HENMT1: variants seen among roughly 807,000 people sequenced by gnomAD.
The protein encoded by HENMT1 is HEN methyltransferase 1.
Under a neutral mutation model 31.1 loss-of-function variants are expected in HENMT1, and 27 were observed. The ratio of observed to expected loss-of-function variants is 0.87; its 90% CI spans 0.64 to 1.20. The LOEUF (loss-of-function observed/expected upper bound fraction) is 1.20. Among genes scored for constraint, HENMT1 ranks in the 50% most tolerant of loss-of-function variants. The pLI is 0.00. For synonymous variants in HENMT1, 167 were observed against 172.2 expected (o/e 0.97, Z 0.24); for missense variants, 438 against 469.6 (o/e 0.93, Z 0.62).
At chr1:108,653,766 G>C (rs75923873) in intron 5 of HENMT1, among the ~76,000 whole-genome samples, 1,794 of 152,092 alleles carry the variant, frequency 0.012, 17 homozygotes, top group Non-Finnish European at 0.018. Flanking sequence ...CTTTTTATTT[G>C]GGGTTTTTTT....
intron 1 of HENMT1, 87 bp from the exon 2 acceptor site, chr1:108,660,049 C>A: frequency 1.4e-5 from 7 of 503,142 alleles, no homozygotes; most frequent in South Asian, 2.3e-5. Flanking sequence ...AAGCCTCTTT[C>A]TTACTCCTTA....
chr1:108,660,866 G>A (rs1356507234), intron 1 of HENMT1, 97 bp downstream of exon 1: 1 of 488,262 alleles, frequency 2.0e-6, no homozygotes, highest in Non-Finnish European at 2.7e-6. Flanking sequence ...GGAGCTTGCA[G>A]TGAGCCGAGA....
At chr1:108,654,694 A>T in intron 5 of HENMT1, 22 bp downstream of exon 5, 1 of 1,611,978 alleles carries the variant, frequency 6.2e-7, no homozygotes, top group Non-Finnish European at 8.5e-7. Flanking sequence ...ACAGTTATAC[A>T]GTGTATCAGT....
intron 5 of HENMT1, 120 bp from the exon 6 acceptor site, chr1:108,651,329 A>G: frequency 1.3e-6 from 1 of 792,436 alleles, no homozygotes; most frequent in Non-Finnish European, 2.0e-6. Context: ...TTGAATATGT[A>G]ATAATGCTTA....
chr1:108,655,462 G>A, intron 4 of HENMT1, 124 bp downstream of exon 4: 1 of 524,548 alleles, frequency 1.9e-6, no homozygotes, highest in Non-Finnish European at 3.3e-6. Flanking sequence ...TGATTATTCA[G>A]TGAGTTGAAG....
Position 108,657,454 on chromosome 1 carries a change from C to CTTA in HENMT1, c.144_146dup (p.Pro48_Lys49insAsn). On this transcript the variant is annotated inframe_insertion, in exon 3 of 8. Coordinates refer to ENST00000651461, the MANE Select transcript of HENMT1 (RefSeq NM_001102592.2). The stretch of plus-strand genomic sequence containing the variant: ...GTTTGGAAAGAGAAATACCTACCTT[C>CTTA]TTAGGCTCATGTTGATCCACTAAAT... The CTTA allele has an allele frequency of 1.2e-6, 2 of 1,602,746 alleles. No individual in the cohort carries two copies. Among genetic ancestry groups the CTTA allele is most frequent in the Non-Finnish European group, 1.7e-6 (2 of 1,170,950 alleles).
At position 108,657,408 on chromosome 1, in the gene HENMT1, TA is replaced by T. The variant is rs778580727; in HGVS notation, c.150+42del. 2.9e-6 allele frequency: 4 copies of T among 1,397,746 alleles called. No individual in the cohort carries two copies. In the African/African-American group the frequency reaches 5.7e-5, roughly 20 times the overall value. 86.6% of individuals were successfully genotyped at this position (1,397,746 alleles called of 1,614,324 possible). ...GACAAAACACCTCATATGACTAGTC[TA>T]CTAGTCTTAATAATTAAATGTTTGG... On this transcript the variant is annotated intron_variant, in intron 3 of 7. Transcript: ENST00000651461.
chr1:108,649,289 GA>G, intron 7 of HENMT1: 1 of 515,894 alleles, frequency 1.9e-6, no homozygotes, highest in Non-Finnish European at 3.7e-6. Context: ...AAAAAAAAAT[GA>G]AAAATGGTTC....
intron 5 of HENMT1, among the ~76,000 whole-genome samples, chr1:108,652,075 G>C (rs1316193449): frequency 6.6e-6 from 1 of 152,220 alleles, no homozygotes; most frequent in Non-Finnish European, 1.5e-5. Flanking sequence ...GGACCAGGCA[G>C]AAAGGCTGCA....
At chr1:108,649,925 A>G (rs1179786177) in intron 7 of HENMT1, 2 of 467,992 alleles carry the variant, frequency 4.3e-6, no homozygotes, top group Admixed American at 3.0e-5. Context: ...ACATGCTAGG[A>G]TCACAGGTGT....
rs778898543 is a variant in HENMT1, at chr1:108,654,758, T to C, written c.356A>G (p.Asp119Gly). The C allele has an allele frequency of 6.2e-7, 1 of 1,613,890 alleles. No individual in the cohort carries two copies. The highest frequency in any genetic ancestry group is 8.5e-7 in the Non-Finnish European group (1 of 1,179,916). ...TLYHGSVVER[D>G]SRLLGFDLIT... ...CAAGTCAAATCCAAGCAAACGAGAG[T>C]CTCTCTCCACAACGGAGCCATGATA... The change falls in exon 5 of 8, where the codon GAC becomes GGC. Residue 119 changes from aspartate (D) to glycine (G), a missense_variant. By Grantham distance (94) the Asp-to-Gly change is moderately conservative. Transcript: ENST00000651461.
Position 108,650,228 on chromosome 1 carries a change from G to C in HENMT1, c.739C>G (p.Gln247Glu), listed in dbSNP as rs758092890. 35 of 1,613,934 alleles carry C rather than the reference G, an allele frequency of 2.2e-5. No homozygotes were observed. The South Asian group carries it at 3.8e-4, about 18-fold the overall frequency. The change falls in exon 7 of 8, where the codon CAG (glutamine) becomes GAG (glutamate). Residue 247 changes from glutamine (Q) to glutamate (E), a missense_variant. Gln to Glu is a conservative substitution (Grantham distance 29, BLOSUM62 2). Transcript: ENST00000651461. ...TESCLSEQHDQHVYKAVFTTS... is the reference protein window; with the variant it reads ...TESCLSEQHDEHVYKAVFTTS... Reference sequence around the variant, plus strand: ...ATACTCACAGCTTTATAAACATGCTGATCATGCTGCTCTGAAAGACATGAT... The same window carrying C: ...ATACTCACAGCTTTATAAACATGCTCATCATGCTGCTCTGAAAGACATGAT...
intron 5 of HENMT1, among the ~76,000 whole-genome samples, chr1:108,652,368 G>A (rs1658082320): frequency 6.6e-6 from 1 of 152,072 alleles, no homozygotes; most frequent in Non-Finnish European, 1.5e-5. Flanking sequence ...ACTCTGAGAT[G>A]GTTCAGATAA....
rs750188603 is a variant in HENMT1, at chr1:108,654,850, C to T, written c.264G>A (p.Gly88=). ...DINEDKLRWR[G]DSLAPFLGDF... is the part of the protein sequence containing the mutation. ...CCCCCAGGAAAGGAGCTAACGAATC[C>T]CTGCAAAATAATTATTGAAGAAACT... Residue 88 remains glycine, a splice_region_variant and synonymous_variant, in exon 5 of 8, where the codon GGG becomes GGA. Transcript: ENST00000651461. 8 of 1,613,690 alleles carry T rather than the reference C, an allele frequency of 5.0e-6. No individual in the cohort carries two copies. The highest frequency in any genetic ancestry group is 6.8e-6 in the Non-Finnish European group (8 of 1,179,848).
At chr1:108,650,170 G>A (rs1302449294) in intron 7 of HENMT1, 41 bp downstream of exon 7, 3 of 1,582,086 alleles carry the variant, frequency 1.9e-6, no homozygotes, top group East Asian at 2.2e-5. Context: ...CCATCCTAAT[G>A]TATCTCTAGC....
At position 108,650,402 on chromosome 1, in the gene HENMT1, G is replaced by A. The variant is rs763440419; in HGVS notation, c.579-14C>T. 132 of 1,602,098 alleles carry A rather than the reference G, an allele frequency of 8.2e-5. No homozygotes were observed. In the East Asian group the frequency reaches 2.3e-3, roughly 28 times the overall value. On this transcript the variant is annotated splice_polypyrimidine_tract_variant and intron_variant, in intron 6 of 7. Transcript: ENST00000651461. ...ACATATAAAGCCCTGAAACCAAAAC[G>A]AGGACAGCAATCATTTTTCTAAATG...
intron 7 of HENMT1, chr1:108,649,426 C>T: frequency 2.2e-6 from 1 of 452,652 alleles, no homozygotes; most frequent in Non-Finnish European, 4.4e-6. Flanking sequence ...CATAGTGAGA[C>T]CCTGTCTCTA....
rs1198422477 is a variant in HENMT1 at position 108,652,220 on chromosome 1, T to A, written c.399-1011A>T. Among the ~76,000 whole-genome samples, 6 of 152,328 alleles carry A rather than the reference T, an allele frequency of 3.9e-5. No individual in the cohort carries two copies. The East Asian group carries it at 7.7e-4, about 20-fold the overall frequency. Reference sequence around the variant, plus strand: ...ACTGGAACAAATGATGAATGCTGAATGTGGACTTAGATTAGGTAATCGTAC... The same window carrying A: ...ACTGGAACAAATGATGAATGCTGAAAGTGGACTTAGATTAGGTAATCGTAC... On this transcript the variant is annotated intron_variant, in intron 5 of 7. Transcript: ENST00000651461.
chr1:108,654,157 T>C (rs1219107441), intron 5 of HENMT1, among the ~76,000 whole-genome samples: 1 of 152,196 alleles, frequency 6.6e-6, no homozygotes, highest in Admixed American at 6.5e-5. Flanking sequence ...TGCCAATGTA[T>C]GTTCTTGGTG....
Sources: gnomAD v4.1 joint callset for allele counts (sites outside exome capture counted in the v4.1 genomes callset) on GRCh38, gnomAD v4.1.1 for gene constraint, MANE v1.5 for transcripts, NCBI Gene and HGNC (gene_info 2026-07-23, HGNC 2026-07-21) for gene names.